Variants in ACVR2A observed in about 807,000 individuals in gnomAD.
The protein encoded by ACVR2A is activin receptor type-2A.
ACVR2A carries 7 observed loss-of-function variants against 61.4 expected under a neutral mutation model. That is an observed-to-expected ratio of 0.11 (90% CI 0.06 to 0.21). ACVR2A has a LOEUF of 0.21. Among genes scored for constraint, ACVR2A ranks in the 10% least tolerant of loss-of-function variants. ACVR2A has a pLI of 1.00. For synonymous variants in ACVR2A, 193 were observed against 208.3 expected (o/e 0.93, Z 0.63); for missense variants, 322 against 621.7 (o/e 0.52, Z 5.13).
chr2:147,883,776 A>T (rs1686367904), intron 1 of ACVR2A, among the ~76,000 whole-genome samples: 4 of 152,078 alleles, frequency 2.6e-5, no homozygotes, highest in Admixed American at 2.6e-4. Context: ...TATTGCTTTG[A>T]TGGAAATGTT....
intron 4 of ACVR2A, among the ~76,000 whole-genome samples, chr2:147,909,810 A>T (rs1337189777): frequency 2.6e-5 from 4 of 151,762 alleles, no homozygotes; most frequent in Non-Finnish European, 5.9e-5. Flanking sequence ...GCTAATTTTT[A>T]AAAAATTTTT....
chr2:147,870,030 G>C (rs1027037450), intron 1 of ACVR2A, among the ~76,000 whole-genome samples: 1 of 150,714 alleles, frequency 6.6e-6, no homozygotes. Flanking sequence ...GTTTGGGGCT[G>C]TATGAAGGGG....
intron 4 of ACVR2A, among the ~76,000 whole-genome samples, chr2:147,904,273 G>C (rs1573695756): frequency 6.6e-6 from 1 of 152,034 alleles, no homozygotes; most frequent in Non-Finnish European, 1.5e-5. Flanking sequence ...TGAGGGAATT[G>C]ATGGACTCTA....
chr2:147,910,358 C>G (rs1018630110), intron 4 of ACVR2A, among the ~76,000 whole-genome samples: 2 of 151,992 alleles, frequency 1.3e-5, no homozygotes, highest in African/African-American at 4.8e-5. Flanking sequence ...CTGAGAGATC[C>G]TTGAGCCTTT....
chr2:147,892,274 C>A, intron 1 of ACVR2A, among the ~76,000 whole-genome samples: 1 of 151,638 alleles, frequency 6.6e-6, no homozygotes, highest in African/African-American at 2.4e-5. Flanking sequence ...TGGGCCCATT[C>A]TTTTATACAC....
rs376930395 is a variant in ACVR2A, at chr2:147,873,444, C to T, written c.56-22857C>T. The stretch of plus-strand genomic sequence containing the variant: ...AAATCCAGTGTGTATCTTGTACTTA[C>T]GGCACATCTCAATTCATATTAGCCA... On this transcript the variant is annotated intron_variant, in intron 1 of 10. Coordinates refer to ENST00000241416, the MANE Select transcript of ACVR2A (RefSeq NM_001616.5). Among the ~76,000 whole-genome samples, 3 of 151,922 alleles carry T rather than the reference C, an allele frequency of 2.0e-5. 1 individual carries two copies. The highest frequency in any genetic ancestry group is 1.5e-5 in the Non-Finnish European group (1 of 67,828).
intron 1 of ACVR2A, among the ~76,000 whole-genome samples, chr2:147,851,237 T>A (rs1473993498): frequency 1.3e-5 from 2 of 152,130 alleles, no homozygotes; most frequent in Non-Finnish European, 2.9e-5. Context: ...AAAAGGTCCT[T>A]CATCGTTTGG....
At chr2:147,876,964 G>A (rs370731444) in intron 1 of ACVR2A, among the ~76,000 whole-genome samples, 8 of 152,206 alleles carry the variant, frequency 5.3e-5, no homozygotes, top group East Asian at 1.9e-4. Flanking sequence ...ATACGCCACT[G>A]AGTTTGAAAA....
At chr2:147,845,353 C>G (rs1685282610) in intron 1 of ACVR2A, 146 bp downstream of exon 1, 1 of 525,894 alleles carries the variant, frequency 1.9e-6, no homozygotes, top group Non-Finnish European at 3.2e-6. Context: ...CCACCGCCCC[C>G]CCCCCCCGCC....
intron 6 of ACVR2A, 59 bp downstream of exon 6, chr2:147,917,485 T>C: frequency 6.4e-7 from 1 of 1,554,796 alleles, no homozygotes; most frequent in Non-Finnish European, 8.8e-7. Flanking sequence ...TACCTAATGC[T>C]GGCTATAAAT....
At chr2:147,857,594 A>G (rs573364620) in intron 1 of ACVR2A, among the ~76,000 whole-genome samples, 3 of 152,050 alleles carry the variant, frequency 2.0e-5, no homozygotes, top group Non-Finnish European at 4.4e-5. Flanking sequence ...GATTCAATGA[A>G]AGTAATTAAT....
chr2:147,899,583 A>G lies in ACVR2A; in HGVS notation c.373+16A>G. 6.2e-7 allele frequency: 1 copy of G among 1,607,276 alleles called. No individual in the cohort carries two copies. The highest frequency in any genetic ancestry group is 8.5e-7 in the Non-Finnish European group (1 of 1,174,908). On this transcript the variant is annotated intron_variant, in intron 3 of 10. Transcript: ENST00000241416. ...GTCACACAGCGTAAGTTCACAGGGA[A>G]AATACGTAGGTTTGCTCAACTGTAG...
chr2:147,917,997 C>T (rs1165068961), intron 6 of ACVR2A, among the ~76,000 whole-genome samples: 1 of 151,792 alleles, frequency 6.6e-6, no homozygotes, highest in Non-Finnish European at 1.5e-5. Flanking sequence ...TCTTTTACTT[C>T]TCTTATCTTG....
In ACVR2A at chr2:147,889,001, GT is replaced by G. The variant is rs907076113; in HGVS notation, c.56-7290del. On this transcript the variant is annotated intron_variant, in intron 1 of 10. Transcript: ENST00000241416. ...CCCTTCTATTCCTAGTGTACTGATA[GT>G]TTTTTTTTTATTGTGAATAATATTC... 3.7e-4 allele frequency among the ~76,000 whole-genome samples: 55 copies of G among 148,434 alleles called. 1 individual carries two copies. Among genetic ancestry groups the G allele is most frequent in the South Asian group, 1.3e-3 (6 of 4,654 alleles).
chr2:147,865,184 C>T (rs897117028), intron 1 of ACVR2A, among the ~76,000 whole-genome samples: 1 of 152,090 alleles, frequency 6.6e-6, no homozygotes, highest in African/African-American at 2.4e-5. Context: ...TGTTTATTAC[C>T]ACAGTCCTAG....
intron 9 of ACVR2A, among the ~76,000 whole-genome samples, chr2:147,924,688 C>A (rs1687461282): frequency 1.3e-5 from 2 of 151,916 alleles, no homozygotes; most frequent in Admixed American, 6.6e-5. Context: ...AAAGTAGGTG[C>A]TTTCACGTGT....
intron 1 of ACVR2A, among the ~76,000 whole-genome samples, chr2:147,848,701 A>C (rs1685377782): frequency 6.6e-6 from 1 of 152,136 alleles, no homozygotes; most frequent in African/African-American, 2.4e-5. Context: ...AAAGATAACT[A>C]TTGGGTACTG....
At chr2:147,878,681 G>A (rs1686219120) in intron 1 of ACVR2A, among the ~76,000 whole-genome samples, 1 of 152,070 alleles carries the variant, frequency 6.6e-6, no homozygotes, top group African/African-American at 2.4e-5. Flanking sequence ...GGCCGAGGTT[G>A]GTGGATTGCT....
At chr2:147,908,038 C>CA (rs1200221673) in intron 4 of ACVR2A, among the ~76,000 whole-genome samples, 5,843 of 66,208 alleles carry the variant, frequency 0.088, 149 homozygotes, top group Middle Eastern at 0.17. Flanking sequence ...GACTCTGTTT[C>CA]AAAAAAAAAA....
Sources: allele counts gnomAD v4.1 joint callset (sites outside exome capture counted in the v4.1 genomes callset), GRCh38; gene constraint gnomAD v4.1.1; transcripts MANE v1.5; gene names NCBI Gene and HGNC (gene_info 2026-07-23, HGNC 2026-07-21).